TAB2: variants seen among roughly 807,000 people sequenced by gnomAD.
The protein encoded by TAB2 is TGF-beta-activated kinase 1 and MAP3K7-binding protein 2.
TAB2 carries 3 observed loss-of-function variants against 65.0 expected under a neutral mutation model. The observed-to-expected ratio is 0.05, with a 90% CI of 0.02 to 0.12. TAB2 has a LOEUF of 0.12. Ranked by LOEUF, TAB2 falls within the 10% of genes least tolerant of loss-of-function variation. The pLI is 1.00. For missense variants in TAB2, 623 were observed against 840.3 expected, an observed-to-expected ratio of 0.74 and a Z score of 3.20; for synonymous variants, 298 against 285.1, an observed-to-expected ratio of 1.05 and a Z score of -0.46.
rs977375547 is a variant in TAB2 at position 149,379,307 on chromosome 6, C to G, written c.1392C>G (p.Phe464Leu). Residue 464 changes from phenylalanine (F) to leucine (L), a missense_variant, in exon 3 of 7, where the codon TTC (phenylalanine) becomes TTG (leucine). Around this residue, in one of 3 missense-constraint regions of TAB2, gnomAD observed 550 missense variants for 665.7 expected, o/e 0.83. Coordinates refer to ENST00000637181, the MANE Select transcript of TAB2 (RefSeq NM_001292034.3). ...VVTQPNTKYT[F>L]KITVSPNKPP... ...CTCAGCCCAATACGAAATACACTTT[C>G]AAAATTACAGTCTCTCCCAATAAGC... 9 of 1,614,110 alleles carry G rather than the reference C, an allele frequency of 5.6e-6. No homozygotes were observed. The highest frequency in any genetic ancestry group is 1.1e-5 in the South Asian group (1 of 91,092).
rs11365916 is a variant in TAB2, at chr6:149,262,531, T to TAA, written c.-121+43770_-121+43771dup. Among the ~76,000 whole-genome samples, 168 of 139,958 alleles carry TAA rather than the reference T, an allele frequency of 1.2e-3. 1 individual carries two copies. Among genetic ancestry groups the TAA allele is most frequent in the South Asian group, 2.1e-3 (9 of 4,356 alleles). The allele number at this position is 139,958 out of a possible 152,430, so 91.8% of individuals were successfully genotyped here. A position where few individuals can be genotyped will look rare whatever the true frequency, so the allele number is the denominator to read the frequency against. On this transcript the variant is annotated intron_variant, in intron 1 of 1. Coordinates refer to the TAB2 transcript ENST00000606202. ...CTGGGCAACAGAGTGAAACTCGGTC[T>TAA]AAAAAAAAAAAAAAAATCTCATATG...
chr6:149,402,133 AAG>A (rs1002262208), intron 6 of TAB2, among the ~76,000 whole-genome samples: 11 of 152,170 alleles, frequency 7.2e-5, no homozygotes, highest in African/African-American at 2.6e-4. Flanking sequence ...ACAACAGAAA[AAG>A]AAATAGTAAA....
At chr6:149,403,265 T>TACAC (rs1283928381) in intron 6 of TAB2, among the ~76,000 whole-genome samples, 1 of 45,064 alleles carries the variant, frequency 2.2e-5, no homozygotes, top group African/African-American at 1.3e-4. Context: ...TATATATATA[T>TACAC]ATATATATAT....
At chr6:149,327,749 T>A (rs1779661598) in intron 1 of TAB2, among the ~76,000 whole-genome samples, 1 of 152,192 alleles carries the variant, frequency 6.6e-6, no homozygotes, top group Non-Finnish European at 1.5e-5. Context: ...TTGCCAACTC[T>A]TAGGATGATT....
intron 1 of TAB2, among the ~76,000 whole-genome samples, chr6:149,307,031 C>T (rs1779085136): frequency 6.6e-6 from 1 of 152,070 alleles, no homozygotes; most frequent in African/African-American, 2.4e-5. Flanking sequence ...TCACAGATTC[C>T]TTACAATCAC....
chr6:149,383,444 T>C (rs1476901562), intron 3 of TAB2, among the ~76,000 whole-genome samples: 4 of 152,250 alleles, frequency 2.6e-5, no homozygotes, highest in African/African-American at 9.6e-5. Flanking sequence ...CAGAATTTTA[T>C]AACATTTGTT....
intron 1 of TAB2, among the ~76,000 whole-genome samples, chr6:149,341,071 C>CA (rs1780106122): frequency 6.6e-6 from 1 of 152,106 alleles, no homozygotes; most frequent in Admixed American, 6.5e-5. Context: ...TTATATCATG[C>CA]ATTGATTGCT....
chr6:149,284,562 A>T (rs1258255385), intron 1 of TAB2, among the ~76,000 whole-genome samples: 1 of 151,768 alleles, frequency 6.6e-6, no homozygotes, highest in Non-Finnish European at 1.5e-5. Flanking sequence ...TGCTTTCAGG[A>T]CTAAGAGGAG....
intron 6 of TAB2, among the ~76,000 whole-genome samples, chr6:149,406,185 T>TA (rs1229861619): frequency 2.0e-5 from 3 of 152,218 alleles, no homozygotes; most frequent in Non-Finnish European, 2.9e-5. Context: ...ACTCCAGACT[T>TA]ACAATTTGTT....
chr6:149,400,831 T>C, intron 6 of TAB2: 1 of 815,728 alleles, frequency 1.2e-6, no homozygotes. Flanking sequence ...CCACATTCTT[T>C]TATTATACAT....
chr6:149,380,718 G>C (rs527544903), intron 3 of TAB2, among the ~76,000 whole-genome samples: 1 of 152,202 alleles, frequency 6.6e-6, no homozygotes, highest in East Asian at 1.9e-4. Context: ...ATCATTTCAT[G>C]TATCAGCTGT....
chr6:149,384,566 T>G lies in TAB2; in HGVS notation c.1603+5048T>G, dbSNP rs141605549. Among the ~76,000 whole-genome samples, 4 of 152,302 alleles carry G rather than the reference T, an allele frequency of 2.6e-5. No individual in the cohort carries two copies. The East Asian group carries it at 7.7e-4, about 29-fold the overall frequency. ...ATTTTCAGTTTAAAGTTTATAGATA[T>G]GAAGAAAATTCTTATTTTACCCATT... On this transcript the variant is annotated intron_variant, in intron 3 of 6. Transcript: ENST00000637181.
chr6:149,306,704 A>G (rs1779079294), intron 1 of TAB2, among the ~76,000 whole-genome samples: 1 of 152,160 alleles, frequency 6.6e-6, no homozygotes, highest in Admixed American at 6.5e-5. Flanking sequence ...GTGAGCAGAA[A>G]TCACACCACT....
intron 1 of TAB2, among the ~76,000 whole-genome samples, chr6:149,328,743 C>T (rs1163027563): frequency 1.3e-5 from 2 of 152,128 alleles, no homozygotes; most frequent in African/African-American, 4.8e-5. Flanking sequence ...ATGTGATATA[C>T]TGTGACAAAT....
At chr6:149,241,947 A>G (rs920910278) in intron 1 of TAB2, among the ~76,000 whole-genome samples, 4 of 151,974 alleles carry the variant, frequency 2.6e-5, no homozygotes, top group Non-Finnish European at 5.9e-5. Context: ...GGGGGCCCCG[A>G]GGTCATCCTT....
intron 1 of TAB2, among the ~76,000 whole-genome samples, chr6:149,254,235 C>T (rs1366650670): frequency 6.6e-6 from 1 of 152,112 alleles, no homozygotes; most frequent in African/African-American, 2.4e-5. Flanking sequence ...GGGGAATGAG[C>T]CTGAGAACAA....
At chr6:149,240,574 TA>T (rs1280216046) in intron 1 of TAB2, among the ~76,000 whole-genome samples, 1 of 152,198 alleles carries the variant, frequency 6.6e-6, no homozygotes, top group Non-Finnish European at 1.5e-5. Context: ...ATCATCATTA[TA>T]AAAGGATAGT....
chr6:149,348,260 G>A (rs561425165), intron 1 of TAB2, among the ~76,000 whole-genome samples: 7 of 152,072 alleles, frequency 4.6e-5, no homozygotes, highest in South Asian at 4.2e-4. Flanking sequence ...GTGGGGTTGC[G>A]CACCGGTAGT....
At chr6:149,312,354 T>A (rs934637375) in intron 1 of TAB2, among the ~76,000 whole-genome samples, 13 of 152,294 alleles carry the variant, frequency 8.5e-5, no homozygotes, top group South Asian at 4.1e-4. Context: ...GTGCTTTTTT[T>A]TAATTTTTTT....
Sources: gnomAD v4.1 joint callset for allele counts (sites outside exome capture counted in the v4.1 genomes callset) on GRCh38, gnomAD v4.1.1 for gene constraint, gnomAD v4.1.1 regional missense constraint, MANE v1.5 for transcripts, NCBI Gene and HGNC (gene_info 2026-07-23, HGNC 2026-07-21) for gene names.